Variants in DIAPH2 observed in about 807,000 individuals in gnomAD.
The protein encoded by DIAPH2 is protein diaphanous homolog 2.
In DIAPH2, 35 loss-of-function variants were observed where a neutral mutation model predicts 92.7. The observed-to-expected ratio is 0.38, with a 90% CI of 0.29 to 0.50. DIAPH2 has a LOEUF of 0.50. Ranked by LOEUF, DIAPH2 falls within the 20% of genes least tolerant of loss-of-function variation. The pLI is 0.94. For synonymous variants in DIAPH2, 301 were observed against 280.4 expected (o/e 1.07, Z -0.73); for missense variants, 701 against 819.5 (o/e 0.86, Z 1.77).
chrX:96,912,026 A>T (rs2065471561), intron 5 of DIAPH2, among the ~76,000 whole-genome samples: 1 of 111,723 alleles, frequency 9.0e-6, no homozygotes, highest in African/African-American at 3.3e-5. Context: ...ACTTAGGGGT[A>T]TGGAGACAGA....
chrX:96,838,549 A>C (rs1001237750), intron 4 of DIAPH2, among the ~76,000 whole-genome samples: 1 of 112,232 alleles, frequency 8.9e-6, no homozygotes, highest in Non-Finnish European at 1.9e-5. Context: ...GGAATGTTTG[A>C]TCATTTTATT....
intron 1 of DIAPH2, among the ~76,000 whole-genome samples, chrX:96,701,822 C>T (rs145632036): frequency 0.015 from 1,717 of 111,632 alleles, 30 homozygotes; most frequent in African/African-American, 0.053. Context: ...AGAGAGGGAA[C>T]TAACGTTTAG....
intron 1 of DIAPH2, among the ~76,000 whole-genome samples, chrX:96,704,917 T>C (rs1569370268): frequency 2.8e-5 from 3 of 107,357 alleles, no homozygotes; most frequent in South Asian, 8.3e-4. Context: ...CTTCTCTTCC[T>C]CCCTCCACGT....
intron 4 of DIAPH2, among the ~76,000 whole-genome samples, chrX:96,881,199 A>G (rs1161075263): frequency 1.8e-5 from 2 of 111,655 alleles, no homozygotes; most frequent in Non-Finnish European, 1.9e-5. Context: ...GTGGAATTGA[A>G]TATACATATC....
intron 26 of DIAPH2, among the ~76,000 whole-genome samples, chrX:97,439,756 GA>G (rs953491715): frequency 1.4e-5 from 1 of 73,423 alleles, no homozygotes; most frequent in African/African-American, 5.2e-5. Context: ...CAAAATAAAA[GA>G]GGGGCGGGGG....
At chrX:97,534,233 T>C in intron 26 of DIAPH2, among the ~76,000 whole-genome samples, 1 of 111,600 alleles carries the variant, frequency 9.0e-6, no homozygotes, top group Non-Finnish European at 1.9e-5. Flanking sequence ...AATTATCACC[T>C]CATTCATTTA....
At chrX:97,412,231 T>A (rs1290664647) in intron 25 of DIAPH2, among the ~76,000 whole-genome samples, 13 of 111,447 alleles carry the variant, frequency 1.2e-4, no homozygotes, top group African/African-American at 4.2e-4. Flanking sequence ...ATCAAATTAG[T>A]ACTCAGGATT....
intron 17 of DIAPH2, among the ~76,000 whole-genome samples, chrX:97,025,514 T>A (rs1232795997): frequency 1.8e-5 from 2 of 109,346 alleles, no homozygotes; most frequent in African/African-American, 6.7e-5. Context: ...TAGCTGGGCG[T>A]GGTGGCGGGC....
intron 25 of DIAPH2, among the ~76,000 whole-genome samples, chrX:97,421,310 T>C (rs2070006152): frequency 8.9e-6 from 1 of 112,220 alleles, no homozygotes; most frequent in South Asian, 3.7e-4. Flanking sequence ...CTGAGAGTTA[T>C]TTGTCAGCCG....
At chrX:97,543,499 TTTTTTTC>T (rs2147858321) in intron 26 of DIAPH2, among the ~76,000 whole-genome samples, 1 of 111,238 alleles carries the variant, frequency 9.0e-6, no homozygotes, top group East Asian at 2.8e-4. Flanking sequence ...AGGAAGAATT[TTTTTTTC>T]TTTTTTCTTT....
At chrX:97,393,183 T>C (rs2069675920) in intron 25 of DIAPH2, among the ~76,000 whole-genome samples, 1 of 111,328 alleles carries the variant, frequency 9.0e-6, no homozygotes, top group Admixed American at 9.7e-5. Context: ...AGCTCATACC[T>C]GATTCTCTCT....
chrX:97,071,638 T>C (rs2066670134), intron 17 of DIAPH2, among the ~76,000 whole-genome samples: 1 of 111,768 alleles, frequency 8.9e-6, no homozygotes, highest in Non-Finnish European at 1.9e-5. Context: ...ATTTAATTTT[T>C]CTGTATTTTG....
intron 21 of DIAPH2, among the ~76,000 whole-genome samples, chrX:97,124,641 T>C (rs1156561602): frequency 1.8e-5 from 2 of 112,162 alleles, no homozygotes; most frequent in African/African-American, 6.5e-5. Context: ...GATTTTTTTC[T>C]ATTATTCTTA....
intron 22 of DIAPH2, among the ~76,000 whole-genome samples, chrX:97,241,523 C>T (rs746534065): frequency 4.5e-5 from 5 of 110,721 alleles, no homozygotes; most frequent in African/African-American, 1.3e-4. Context: ...TGGTCTCGAT[C>T]TCCTGACCTC....
At chrX:96,790,518 C>T (rs189089540) in intron 4 of DIAPH2, among the ~76,000 whole-genome samples, 159 of 111,735 alleles carry the variant, frequency 1.4e-3, no homozygotes, top group Admixed American at 2.2e-3. Flanking sequence ...TTGGTCATTA[C>T]CTTGTTGCTT....
At chrX:96,978,705 A>C (rs5921034) in intron 17 of DIAPH2, among the ~76,000 whole-genome samples, 4,428 of 110,406 alleles carry the variant, frequency 0.04, 106 homozygotes, top group Middle Eastern at 0.08. Context: ...AATATCCCCA[A>C]ATTTAGCAAT....
In DIAPH2 at chrX:97,508,968, A is replaced by AC. The variant is rs201864680; in HGVS notation, c.3241+79223_3241+79224insC. ...AACAACAACAATAACAACAACAACA[A>AC]AAAAAAAACAGATTACCCGACTACC... On this transcript the variant is annotated intron_variant, in intron 26 of 26. Transcript: ENST00000324765. 1.4e-4 allele frequency among the ~76,000 whole-genome samples: 14 copies of AC among 103,108 alleles called. No individual in the cohort carries two copies. In the East Asian group the frequency reaches 4.0e-3, roughly 29 times the overall value. The allele number at this position is 103,108 out of a possible 115,157, so 89.5% of individuals were successfully genotyped here. A position where few individuals can be genotyped will look rare whatever the true frequency, so the allele number is the denominator to read the frequency against.
intron 22 of DIAPH2, among the ~76,000 whole-genome samples, chrX:97,185,487 A>G (rs1387838508): frequency 6.4e-5 from 1 of 15,588 alleles, no homozygotes; most frequent in Non-Finnish European, 1.4e-4. Context: ...ATATATATAT[A>G]TATATATATA....
chrX:97,207,542 C>T (rs1308504340), intron 22 of DIAPH2, among the ~76,000 whole-genome samples: 1 of 111,262 alleles, frequency 9.0e-6, no homozygotes, highest in Admixed American at 9.6e-5. Flanking sequence ...TAAGAACCAT[C>T]CAATTTTAGA....
Sources: gnomAD v4.1 joint callset for allele counts (sites outside exome capture counted in the v4.1 genomes callset) on GRCh38, gnomAD v4.1.1 for gene constraint, MANE v1.5 for transcripts, NCBI Gene and HGNC (gene_info 2026-07-23, HGNC 2026-07-21) for gene names.